CPEB1: variants seen among roughly 807,000 people sequenced by gnomAD.
CPEB1 encodes the protein cytoplasmic polyadenylation element binding protein 1.
In CPEB1, 7 loss-of-function variants were observed where a neutral mutation model predicts 65.8. The observed-to-expected ratio is 0.11, with a 90% CI of 0.06 to 0.20. The LOEUF is 0.20. Ranked by LOEUF, CPEB1 falls within the 10% of genes least tolerant of loss-of-function variation. CPEB1 has a pLI of 1.00. For synonymous variants in CPEB1, 262 were observed against 260.0 expected (o/e 1.01, Z -0.08); for missense variants, 551 against 712.2 (o/e 0.77, Z 2.58).
At chr15:82,636,192 C>T (rs2046645035) in intron 1 of CPEB1, among the ~76,000 whole-genome samples, 1 of 152,122 alleles carries the variant, frequency 6.6e-6, no homozygotes. Context: ...TACTATCAAC[C>T]TTCTTGAAAA....
chr15:82,593,784 T>A, intron 3 of CPEB1, among the ~76,000 whole-genome samples: 1 of 152,190 alleles, frequency 6.6e-6, no homozygotes, highest in East Asian at 1.9e-4. Context: ...GCAAAACTGA[T>A]CTTGTGTCAG....
chr15:82,626,105 G>C (rs1233909420), intron 3 of CPEB1, among the ~76,000 whole-genome samples: 1 of 150,222 alleles, frequency 6.7e-6, no homozygotes, highest in Non-Finnish European at 1.5e-5. Flanking sequence ...GGGCGAAAGA[G>C]CTAGACTCTG....
At chr15:82,641,615 A>AG (rs2047124171) in intron 1 of CPEB1, 1 of 152,192 alleles carries the variant, frequency 6.6e-6, no homozygotes, top group African/African-American at 2.4e-5. Context: ...TTTTTAGCAT[A>AG]CAAACCAACC....
chr15:82,547,495 A>G (rs150409941), intron 10 of CPEB1, among the ~76,000 whole-genome samples: 3,627 of 150,618 alleles, frequency 0.024, 146 homozygotes, highest in African/African-American at 0.083. Flanking sequence ...ATCGGGTTTC[A>G]CCATTAGCCA....
rs71453394 is a variant in CPEB1, at chr15:82,563,357, CTTTTTTTTTTTTT to C, written c.461-5384_461-5372del. Among the ~76,000 whole-genome samples the C allele has an allele frequency of 8.7e-5, 8 of 92,068 alleles. No individual in the cohort carries two copies. The South Asian group carries it at 2.3e-3, about 26-fold the overall frequency. The allele number at this position is 92,068 out of a possible 152,430, so 60.4% of individuals were successfully genotyped here. A position where few individuals can be genotyped will look rare whatever the true frequency, so the allele number is the denominator to read the frequency against. The stretch of plus-strand genomic sequence containing the variant: ...GAATGTATGTAAGATCATCTCTATT[CTTTTTTTTTTTTT>C]TTTTTTTTTTTGAGCAAGGGTCTCC... On this transcript the variant is annotated intron_variant, in intron 4 of 12. Coordinates refer to ENST00000684509, the MANE Select transcript of CPEB1 (RefSeq NM_001365242.1).
At chr15:82,562,881 C>T (rs911700649) in intron 4 of CPEB1, among the ~76,000 whole-genome samples, 12 of 150,264 alleles carry the variant, frequency 8.0e-5, no homozygotes, top group Admixed American at 6.6e-4. Context: ...ACAGTTCTCA[C>T]ACTAAAATGG....
intron 4 of CPEB1, among the ~76,000 whole-genome samples, chr15:82,562,001 G>A (rs2038302325): frequency 6.6e-6 from 1 of 152,092 alleles, no homozygotes; most frequent in Non-Finnish European, 1.5e-5. Flanking sequence ...AGCACTTTAG[G>A]TAAACAGTCT....
intron 1 of CPEB1, among the ~76,000 whole-genome samples, chr15:82,644,840 G>A (rs879803686): frequency 3.9e-5 from 6 of 152,174 alleles, no homozygotes; most frequent in Non-Finnish European, 5.9e-5. Context: ...GCTTATTAAG[G>A]CAGCTATTAT....
intron 3 of CPEB1, among the ~76,000 whole-genome samples, chr15:82,612,317 T>C (rs904359434): frequency 4.0e-5 from 6 of 151,358 alleles, no homozygotes; most frequent in Admixed American, 4.0e-4. Flanking sequence ...CCTAACATGG[T>C]GAAACCCCAT....
At chr15:82,545,359 A>T (rs1163094403) in intron 12 of CPEB1, among the ~76,000 whole-genome samples, 1 of 152,222 alleles carries the variant, frequency 6.6e-6, no homozygotes, top group African/African-American at 2.4e-5. Context: ...CCATATTCAG[A>T]GACTCCAAAT....
intron 3 of CPEB1, among the ~76,000 whole-genome samples, chr15:82,607,461 G>C (rs1176446805): frequency 6.6e-6 from 1 of 152,030 alleles, no homozygotes; most frequent in Admixed American, 6.6e-5. Flanking sequence ...GGTGGTGTGT[G>C]CCTGTAGTCT....
intron 5 of CPEB1, chr15:82,557,550 G>A (rs2037438469): frequency 7.5e-6 from 4 of 536,554 alleles, no homozygotes; most frequent in East Asian, 6.0e-5. Context: ...GTCCTGCAAT[G>A]TATTGCTCAA....
At chr15:82,588,978 T>C (rs544451973) in intron 3 of CPEB1, among the ~76,000 whole-genome samples, 1 of 152,294 alleles carries the variant, frequency 6.6e-6, no homozygotes, top group South Asian at 2.1e-4. Context: ...CAGATCCACA[T>C]TAGTGTGCAA....
intron 2 of CPEB1, chr15:82,628,033 G>T (rs945771385): frequency 1.7e-5 from 10 of 583,448 alleles, no homozygotes; most frequent in Non-Finnish European, 1.2e-5. Flanking sequence ...GGGTCATAAA[G>T]ACCTTTAAGG....
intron 4 of CPEB1, among the ~76,000 whole-genome samples, chr15:82,560,078 T>C (rs2037937647): frequency 6.6e-6 from 1 of 151,728 alleles, no homozygotes; most frequent in Non-Finnish European, 1.5e-5. Flanking sequence ...AGCAAGACTC[T>C]GAAAAAAAAA....
chr15:82,560,559 G>A (rs925456871), intron 4 of CPEB1, among the ~76,000 whole-genome samples: 4 of 151,518 alleles, frequency 2.6e-5, no homozygotes, highest in African/African-American at 7.3e-5. Flanking sequence ...ACATCTGGCT[G>A]ATTTAAAAAA....
intron 3 of CPEB1, among the ~76,000 whole-genome samples, chr15:82,588,995 A>G (rs2042014663): frequency 6.6e-6 from 1 of 152,126 alleles, no homozygotes; most frequent in African/African-American, 2.4e-5. Flanking sequence ...GCAAGACAAA[A>G]TGACTCCTCT....
intron 3 of CPEB1, among the ~76,000 whole-genome samples, chr15:82,572,333 A>C (rs1028949306): frequency 2.0e-4 from 31 of 152,228 alleles, no homozygotes; most frequent in African/African-American, 5.8e-4. Flanking sequence ...CTGGGGAACA[A>C]CACCTGGTGT....
chr15:82,581,708 T>A (rs1259925578), intron 3 of CPEB1, among the ~76,000 whole-genome samples: 1 of 152,226 alleles, frequency 6.6e-6, no homozygotes, highest in Non-Finnish European at 1.5e-5. Context: ...TGTTTGAAGA[T>A]TGCTGTTGCC....
Sources: allele counts gnomAD v4.1 joint callset (sites outside exome capture counted in the v4.1 genomes callset), GRCh38; gene constraint gnomAD v4.1.1; transcripts MANE v1.5; gene names NCBI Gene and HGNC (gene_info 2026-07-23, HGNC 2026-07-21).